Variants in RGS6 observed in about 807,000 individuals in gnomAD.
The protein encoded by RGS6 is regulator of G-protein signaling 6.
A neutral mutation model predicts 78.5 loss-of-function variants in RGS6; 30 were observed. The ratio of observed to expected loss-of-function variants is 0.38; its 90% CI spans 0.29 to 0.52. The LOEUF (loss-of-function observed/expected upper bound fraction) is 0.52, where lower values mean the gene tolerates loss of function less well. Among genes scored for constraint, RGS6 ranks in the 20% least tolerant of loss-of-function variants. RGS6 has a pLI of 0.85. For missense variants in RGS6, 495 were observed against 609.7 expected (o/e 0.81, Z 1.98); for synonymous variants, 206 against 206.0 (o/e 1.00, Z 0.00).
At chr14:72,393,087 A>T (rs1418221538) in intron 3 of RGS6, among the ~76,000 whole-genome samples, 2 of 152,336 alleles carry the variant, frequency 1.3e-5, no homozygotes, top group African/African-American at 2.4e-5. Context: ...AAAGGGTCAG[A>T]TACCATTTCA....
At position 72,220,263 on chromosome 14, in the gene RGS6, AT is replaced by A. The variant is rs748512781; in HGVS notation, c.85-131822del. Among the ~76,000 whole-genome samples, 85 of 151,106 alleles carry A rather than the reference AT, an allele frequency of 5.6e-4. 1 individual carries two copies. The highest frequency in any genetic ancestry group is 4.3e-3 in the East Asian group (22 of 5,168). On this transcript the variant is annotated intron_variant, in intron 2 of 17. Transcript: ENST00000553525. ...GCAAATTGAAAAACATTCCACATGA[AT>A]TTTTTTTTTCCCATCTGAATTGTTC... is the stretch of plus-strand genomic sequence containing the variant.
chr14:71,978,710 T>A (rs1595559171), intron 2 of RGS6, among the ~76,000 whole-genome samples: 1 of 152,192 alleles, frequency 6.6e-6, no homozygotes, highest in African/African-American at 2.4e-5. Context: ...TCAAGGATAT[T>A]GGTCTAATAT....
At chr14:72,620,880 C>A in the RGS6 span, among the ~76,000 whole-genome samples, 2 of 152,228 alleles carry the variant, frequency 1.3e-5, no homozygotes, top group African/African-American at 4.8e-5. Context: ...GTGGCGCATG[C>A]CTGTAATCCC....
chr14:72,270,191 G>A (rs1029616), intron 2 of RGS6, among the ~76,000 whole-genome samples: 86,880 of 151,936 alleles, frequency 0.57, 24,901 homozygotes, highest in Middle Eastern at 0.61. Context: ...TCCTCTTTGC[G>A]TTCAGAATGC....
chr14:72,617,827 T>A, the RGS6 span, among the ~76,000 whole-genome samples: 2 of 152,270 alleles, frequency 1.3e-5, no homozygotes, highest in African/African-American at 4.8e-5. Flanking sequence ...GGGCCTTTGT[T>A]GTGAGCAGCC....
chr14:72,394,951 T>G (rs2090853946), intron 3 of RGS6, among the ~76,000 whole-genome samples: 1 of 152,228 alleles, frequency 6.6e-6, no homozygotes, highest in Non-Finnish European at 1.5e-5. Context: ...TTAGCGTCCA[T>G]GAAATCTTCA....
intron 2 of RGS6, among the ~76,000 whole-genome samples, chr14:72,273,037 A>G (rs1334670516): frequency 6.6e-6 from 1 of 151,036 alleles, no homozygotes; most frequent in Non-Finnish European, 1.5e-5. Flanking sequence ...AATCTCTTGA[A>G]CCTGGGAAGC....
intron 2 of RGS6, among the ~76,000 whole-genome samples, chr14:72,343,350 T>C (rs1055066789): frequency 6.6e-6 from 1 of 152,162 alleles, no homozygotes; most frequent in Admixed American, 6.5e-5. Context: ...TAAAGTCCCA[T>C]CTATCTGACC....
chr14:72,398,647 G>A (rs994741345), intron 3 of RGS6, among the ~76,000 whole-genome samples: 1 of 152,016 alleles, frequency 6.6e-6, no homozygotes, highest in Non-Finnish European at 1.5e-5. Context: ...TGATGTTAGG[G>A]TGTCAATTTT....
At chr14:72,175,618 T>G (rs1237731026) in intron 2 of RGS6, among the ~76,000 whole-genome samples, 3 of 152,196 alleles carry the variant, frequency 2.0e-5, no homozygotes, top group Non-Finnish European at 4.4e-5. Flanking sequence ...TTGTAAACTA[T>G]CCTGGAACAC....
At chr14:72,541,732 C>T in intron 17 of RGS6, 3 of 1,148,288 alleles carry the variant, frequency 2.6e-6, no homozygotes, top group Admixed American at 2.5e-5. Context: ...GTAAGCAGAG[C>T]CTTGACAGCC....
At chr14:72,612,411 A>G in the RGS6 span, 1 of 513,030 alleles carries the variant, frequency 1.9e-6, no homozygotes, top group Non-Finnish European at 3.9e-6. Context: ...TTGCTCACAT[A>G]TCAGGCAGTG....
intron 2 of RGS6, among the ~76,000 whole-genome samples, chr14:72,000,074 TC>T (rs2083146248): frequency 6.6e-6 from 1 of 152,126 alleles, no homozygotes; most frequent in African/African-American, 2.4e-5. Context: ...GGATTAGGAA[TC>T]CGAACTTGGA....
chr14:72,267,872 A>C (rs1259400045), intron 2 of RGS6, among the ~76,000 whole-genome samples: 1 of 152,224 alleles, frequency 6.6e-6, no homozygotes, highest in Non-Finnish European at 1.5e-5. Context: ...TTTCTGCTCC[A>C]AAGCATAGAA....
chr14:72,152,656 A>G (rs751124760), intron 2 of RGS6, among the ~76,000 whole-genome samples: 5 of 152,174 alleles, frequency 3.3e-5, no homozygotes, highest in Non-Finnish European at 7.3e-5. Context: ...TACTGGGGAC[A>G]TTCTTGTGAC....
chr14:72,007,902 C>T (rs2084894081), intron 2 of RGS6, among the ~76,000 whole-genome samples: 2 of 152,118 alleles, frequency 1.3e-5, no homozygotes, highest in African/African-American at 2.4e-5. Context: ...AGAAAAGAGA[C>T]ATAAAGAGTA....
At chr14:72,386,369 C>G (rs1160382480) in intron 3 of RGS6, among the ~76,000 whole-genome samples, 1 of 152,116 alleles carries the variant, frequency 6.6e-6, no homozygotes, top group Non-Finnish European at 1.5e-5. Context: ...GAAACCCTCT[C>G]TCTACTAAAA....
chr14:72,361,894 A>T (rs1179404559), intron 3 of RGS6, among the ~76,000 whole-genome samples: 1 of 152,180 alleles, frequency 6.6e-6, no homozygotes, highest in Non-Finnish European at 1.5e-5. Flanking sequence ...ACAGTCACTT[A>T]TCTACCTGTA....
At chr14:72,522,984 A>T (rs775805290) in intron 15 of RGS6, among the ~76,000 whole-genome samples, 2 of 152,258 alleles carry the variant, frequency 1.3e-5, no homozygotes, top group African/African-American at 4.8e-5. Flanking sequence ...ATGTTTCTAC[A>T]TGAGGATTGA....
Sources: allele counts gnomAD v4.1 joint callset (sites outside exome capture counted in the v4.1 genomes callset), GRCh38; gene constraint gnomAD v4.1.1; transcripts MANE v1.5; gene names NCBI Gene and HGNC (gene_info 2026-07-23, HGNC 2026-07-21).